TIMP3: variants seen among roughly 807,000 people sequenced by gnomAD.
TIMP3 encodes the protein TIMP metallopeptidase inhibitor 3.
Under a neutral mutation model 30.0 loss-of-function variants are expected in TIMP3, and 11 were observed. That is an observed-to-expected ratio of 0.37 (90% CI 0.23 to 0.61). The LOEUF (loss-of-function observed/expected upper bound fraction) is 0.61, where lower values mean the gene tolerates loss of function less well. Among genes scored for constraint, TIMP3 ranks in the 20% least tolerant of loss-of-function variants. The pLI, the probability that TIMP3 is intolerant of heterozygous loss-of-function variation, is 0.70. For synonymous variants in TIMP3, 112 were observed against 111.3 expected (o/e 1.01, Z -0.04); for missense variants, 181 against 276.8 (o/e 0.65, Z 2.45).
chr22:32,853,883 T>G (rs1249402349), intron 2 of TIMP3, among the ~76,000 whole-genome samples: 1 of 152,176 alleles, frequency 6.6e-6, no homozygotes, highest in Non-Finnish European at 1.5e-5. Context: ...TTAAGTAACT[T>G]TCCAAGTGGC....
intron 1 of TIMP3, among the ~76,000 whole-genome samples, chr22:32,818,080 T>C (rs1442529350): frequency 6.6e-6 from 1 of 152,194 alleles, no homozygotes; most frequent in Non-Finnish European, 1.5e-5. Context: ...ACTGAGTCAA[T>C]AATGGTGTTG....
chr22:32,810,980 G>T (rs549552972), intron 1 of TIMP3, among the ~76,000 whole-genome samples: 1 of 152,112 alleles, frequency 6.6e-6, no homozygotes, highest in African/African-American at 2.4e-5. Context: ...CTAAAATGGG[G>T]GGAAATATAT....
At chr22:32,850,639 C>T (rs1240653073) in intron 2 of TIMP3, among the ~76,000 whole-genome samples, 1 of 152,146 alleles carries the variant, frequency 6.6e-6, no homozygotes, top group East Asian at 1.9e-4. Context: ...GTGTGTGACT[C>T]ATCAGAAGTT....
intron 1 of TIMP3, among the ~76,000 whole-genome samples, chr22:32,816,532 T>G (rs2047091944): frequency 6.6e-6 from 1 of 152,132 alleles, no homozygotes; most frequent in Non-Finnish European, 1.5e-5. Context: ...TTATTTTTGG[T>G]GAGGAGAACA....
chr22:32,819,547 A>T (rs116117712), intron 1 of TIMP3, among the ~76,000 whole-genome samples: 14 of 152,272 alleles, frequency 9.2e-5, no homozygotes, highest in African/African-American at 3.4e-4. Context: ...AGGTTTATGG[A>T]GCACCTACTA....
chr22:32,832,910 T>G (rs371817189), intron 1 of TIMP3, among the ~76,000 whole-genome samples: 8 of 152,058 alleles, frequency 5.3e-5, no homozygotes, highest in African/African-American at 1.9e-4. Flanking sequence ...TTTTCGTGGT[T>G]TTCGTAGAGA....
intron 1 of TIMP3, among the ~76,000 whole-genome samples, chr22:32,834,975 C>T (rs964845785): frequency 2.6e-5 from 4 of 152,236 alleles, no homozygotes; most frequent in African/African-American, 9.6e-5. Flanking sequence ...AGGGTCTTTG[C>T]AGTCCTCAGC....
At chr22:32,826,954 C>T (rs1234382005) in intron 1 of TIMP3, among the ~76,000 whole-genome samples, 1 of 152,160 alleles carries the variant, frequency 6.6e-6, no homozygotes, top group East Asian at 1.9e-4. Context: ...TCCAAGCCTC[C>T]AGCTCCAAAC....
chr22:32,836,631 C>T (rs1208835682), intron 1 of TIMP3, among the ~76,000 whole-genome samples: 1 of 152,092 alleles, frequency 6.6e-6, no homozygotes, highest in Non-Finnish European at 1.5e-5. Context: ...TTTCTCGTAC[C>T]TGTTCCTACC....
intron 1 of TIMP3, among the ~76,000 whole-genome samples, chr22:32,818,660 C>A (rs546517951): frequency 6.6e-6 from 1 of 152,198 alleles, no homozygotes; most frequent in Non-Finnish European, 1.5e-5. Flanking sequence ...TCCCCTCCGG[C>A]GCTGGGCCTC....
chr22:32,831,964 C>T (rs954094186), intron 1 of TIMP3, among the ~76,000 whole-genome samples: 1 of 152,164 alleles, frequency 6.6e-6, no homozygotes, highest in African/African-American at 2.4e-5. Context: ...GCAGGCAGGG[C>T]AGGCGTGGCA....
chr22:32,805,203 C>G, intron 1 of TIMP3, among the ~76,000 whole-genome samples: 1 of 152,160 alleles, frequency 6.6e-6, no homozygotes, highest in South Asian at 2.1e-4. Context: ...GGGCCTGCCT[C>G]TGAGCCTGTT....
intron 1 of TIMP3, among the ~76,000 whole-genome samples, chr22:32,812,795 T>C (rs1024839512): frequency 3.9e-5 from 6 of 152,164 alleles, no homozygotes; most frequent in African/African-American, 1.4e-4. Flanking sequence ...GTGTGCCCCA[T>C]TGGGCAGTCA....
chr22:32,802,146 C>A, intron 1 of TIMP3, 24 bp downstream of exon 1: 1 of 1,570,918 alleles, frequency 6.4e-7, no homozygotes, highest in East Asian at 2.3e-5. Flanking sequence ...GTGCCCCGCC[C>A]GAGCCCCACG....
intron 2 of TIMP3, among the ~76,000 whole-genome samples, chr22:32,850,682 G>A (rs2048193293): frequency 6.6e-6 from 1 of 152,174 alleles, no homozygotes; most frequent in African/African-American, 2.4e-5. Context: ...CACAGGAACT[G>A]TCCAGCCCTT....
At chr22:32,855,838 A>C (rs965383866) in intron 2 of TIMP3, among the ~76,000 whole-genome samples, 7 of 152,220 alleles carry the variant, frequency 4.6e-5, no homozygotes, top group Non-Finnish European at 2.9e-5. Flanking sequence ...ACTGTATTAG[A>C]TTATGTCGTA....
At chr22:32,842,377 G>A (rs1225559316) in intron 1 of TIMP3, among the ~76,000 whole-genome samples, 1 of 152,058 alleles carries the variant, frequency 6.6e-6, no homozygotes, top group East Asian at 1.9e-4. Flanking sequence ...AGTTCCGAAG[G>A]CCCTTTCCTC....
chr22:32,805,179 A>C (rs748106074), intron 1 of TIMP3, among the ~76,000 whole-genome samples: 1 of 151,984 alleles, frequency 6.6e-6, no homozygotes, highest in African/African-American at 2.4e-5. Context: ...GGGCTGTAGG[A>C]TGAAGTGTGT....
intron 1 of TIMP3, among the ~76,000 whole-genome samples, chr22:32,818,290 GACGGGC>G (rs2146039686): frequency 6.6e-6 from 1 of 152,310 alleles, no homozygotes; most frequent in African/African-American, 2.4e-5. Flanking sequence ...GCAAAGCAAG[GACGGGC>G]ACATCCAGCC....
Sources: gnomAD v4.1 joint callset for allele counts (sites outside exome capture counted in the v4.1 genomes callset) on GRCh38, gnomAD v4.1.1 for gene constraint, MANE v1.5 for transcripts, NCBI Gene and HGNC (gene_info 2026-07-23, HGNC 2026-07-21) for gene names.